CREM: variants seen among roughly 807,000 people sequenced by gnomAD.
CREM encodes the protein cAMP-responsive element modulator.
CREM carries 13 observed loss-of-function variants against 37.3 expected under a neutral mutation model. The ratio of observed to expected loss-of-function variants is 0.35; its 90% CI spans 0.23 to 0.55. CREM has a LOEUF of 0.55. Among genes scored for constraint, CREM ranks in the 20% least tolerant of loss-of-function variants. The pLI, the probability that CREM is intolerant of heterozygous loss-of-function variation, is 0.88. For synonymous variants in CREM, 124 were observed against 120.2 expected, an observed-to-expected ratio of 1.03 and a Z score of -0.21; for missense variants, 296 against 362.3, an observed-to-expected ratio of 0.82 and a Z score of 1.49.
chr10:35,172,601 A>G (rs1041110836), intron 3 of CREM, among the ~76,000 whole-genome samples: 2 of 151,940 alleles, frequency 1.3e-5, no homozygotes, highest in Admixed American at 6.6e-5. Flanking sequence ...AGTTTTACTT[A>G]AGAATATCTT....
rs2095139174 is a variant in CREM at position 35,195,941 on chromosome 10, C to A, written c.598+7553C>A. ...ACAGATTTAGAGTTAACTAGCTCAC[C>A]ACTGCCTCTGCCTCCAAGCTGCCTT... On this transcript the variant is annotated intron_variant, in intron 6 of 7. Transcript: ENST00000685392. 5.4e-6 allele frequency: 5 copies of A among 925,244 alleles called. No individual in the cohort carries two copies. The Admixed American group carries it at 6.2e-5, about 12-fold the overall frequency. 57.3% of individuals were successfully genotyped at this position (925,244 alleles called of 1,614,324 possible).
chr10:35,197,802 G>A (rs1253132324), intron 6 of CREM, among the ~76,000 whole-genome samples: 1 of 152,040 alleles, frequency 6.6e-6, no homozygotes, highest in South Asian at 2.1e-4. Context: ...CAGGGTTAAG[G>A]GACTTTTTTG....
intron 3 of CREM, among the ~76,000 whole-genome samples, chr10:35,148,828 C>T (rs2092367091): frequency 6.6e-6 from 1 of 152,116 alleles, no homozygotes. Context: ...AGAAATCTTA[C>T]CATTTTCCCC....
chr10:35,185,845 G>A (rs1279039582), intron 5 of CREM, among the ~76,000 whole-genome samples: 8 of 152,164 alleles, frequency 5.3e-5, no homozygotes, highest in Non-Finnish European at 5.9e-5. Context: ...CACAGAGAAC[G>A]CAGCATGTGG....
intron 3 of CREM, chr10:35,152,199 A>G (rs1445045306): frequency 6.6e-6 from 1 of 152,252 alleles, no homozygotes; most frequent in East Asian, 1.9e-4. Flanking sequence ...CAAAAGGCGT[A>G]AGCAGAACGT....
At chr10:35,179,430 G>GTTC in intron 5 of CREM, 154 bp downstream of exon 5, 1 of 897,896 alleles carries the variant, frequency 1.1e-6, no homozygotes, top group Non-Finnish European at 1.5e-6. Flanking sequence ...ATGTTAAAAA[G>GTTC]TGAGATCTTT....
chr10:35,168,286 G>A lies in CREM; in HGVS notation c.169-10603G>A, dbSNP rs573158450. ...GTTGTTTCCTGACTTTTTAATGATC[G>A]CCATTCTAACTGGTGTGAGATGGTA... On this transcript the variant is annotated intron_variant, in intron 3 of 7. Transcript: ENST00000685392. 2.5e-3 allele frequency among the ~76,000 whole-genome samples: 384 copies of A among 152,176 alleles called. 3 individuals are homozygous for A. The highest frequency in any genetic ancestry group is 9.0e-3 in the African/African-American group (372 of 41,528).
At chr10:35,145,764 G>A (rs1406655099) in intron 2 of CREM, among the ~76,000 whole-genome samples, 1 of 108,646 alleles carries the variant, frequency 9.2e-6, no homozygotes, top group Non-Finnish European at 1.7e-5. Context: ...TTGACAGAGT[G>A]AGACTCTGCC....
At chr10:35,141,494 T>G (rs772952845) in intron 2 of CREM, among the ~76,000 whole-genome samples, 1 of 152,188 alleles carries the variant, frequency 6.6e-6, no homozygotes, top group Non-Finnish European at 1.5e-5. Flanking sequence ...AGAGGGAGTT[T>G]CAGGGGTTTC....
At chr10:35,135,347 C>T (rs983134704) in intron 1 of CREM, 12 of 152,020 alleles carry the variant, frequency 7.9e-5, no homozygotes, top group African/African-American at 2.9e-4. Context: ...TTAAATTATT[C>T]CTGTAGAAAA....
chr10:35,155,754 G>A (rs1419257610), intron 3 of CREM, among the ~76,000 whole-genome samples: 2 of 151,248 alleles, frequency 1.3e-5, no homozygotes, highest in Non-Finnish European at 2.9e-5. Context: ...TCAGGTTCCC[G>A]AGAGCTGGGA....
intron 5 of CREM, among the ~76,000 whole-genome samples, chr10:35,180,162 A>G (rs538511795): frequency 6.6e-6 from 1 of 152,334 alleles, no homozygotes; most frequent in South Asian, 2.1e-4. Context: ...TAATTGAACA[A>G]ATATATTGAC....
chr10:35,185,593 G>C (rs1171423671), intron 5 of CREM, among the ~76,000 whole-genome samples: 2 of 152,194 alleles, frequency 1.3e-5, no homozygotes, highest in East Asian at 3.8e-4. Context: ...TTTCATACTT[G>C]TAAGAAGTTA....
chr10:35,208,651 C>T (rs879675535), intron 7 of CREM, among the ~76,000 whole-genome samples: 8 of 152,134 alleles, frequency 5.3e-5, no homozygotes, highest in African/African-American at 1.9e-4. Context: ...ATGATCACAG[C>T]GCGGCTACTG....
chr10:35,166,862 C>T (rs1285826307), intron 3 of CREM, among the ~76,000 whole-genome samples: 2 of 152,116 alleles, frequency 1.3e-5, no homozygotes, highest in Non-Finnish European at 2.9e-5. Context: ...TTAAAGTGGG[C>T]CGGGCACGGT....
At chr10:35,201,383 G>A in intron 6 of CREM, 1 of 1,532,664 alleles carries the variant, frequency 6.5e-7, no homozygotes, top group Middle Eastern at 1.7e-4. Context: ...CACTGTGCTA[G>A]ACACTTTGAC....
intron 3 of CREM, among the ~76,000 whole-genome samples, chr10:35,164,499 T>TG (rs1221386073): frequency 6.6e-6 from 1 of 152,254 alleles, no homozygotes; most frequent in East Asian, 1.9e-4. Context: ...ATATGTTTTA[T>TG]GCTTCTTAAT....
rs116293084 is a variant in CREM, at chr10:35,201,136, T to C, written c.599-5759T>C. Among the ~76,000 whole-genome samples the C allele has an allele frequency of 6.4e-3, 979 of 152,300 alleles. 13 individuals are homozygous for C. Among genetic ancestry groups the C allele is most frequent in the African/African-American group, 0.021 (879 of 41,562 alleles). On this transcript the variant is annotated intron_variant, in intron 6 of 7. Coordinates refer to ENST00000685392, the MANE Select transcript of CREM (RefSeq NM_183011.2). ...TATTCTCTAAAGGAATATAACGATA[T>C]ATAATTTTATAAGTTTTTAATAGGC... is the stretch of plus-strand genomic sequence containing the variant.
intron 3 of CREM, among the ~76,000 whole-genome samples, chr10:35,161,244 C>T (rs527579028): frequency 3.1e-4 from 47 of 151,924 alleles, no homozygotes; most frequent in African/African-American, 8.7e-4. Context: ...TAAAGCTATT[C>T]GCGTGCCTCA....
Sources: allele counts gnomAD v4.1 joint callset (sites outside exome capture counted in the v4.1 genomes callset), GRCh38; gene constraint gnomAD v4.1.1; transcripts MANE v1.5; gene names NCBI Gene and HGNC (gene_info 2026-07-23, HGNC 2026-07-21).